The following DENND5A variants were observed in gnomAD, a reference collection of about 807,000 sequenced individuals.
DENND5A encodes the protein DENN domain containing 5A, also known as DENN domain-containing protein 5A.
A neutral mutation model predicts 140.3 loss-of-function variants in DENND5A; 64 were observed. That is an observed-to-expected ratio of 0.46 (90% CI 0.37 to 0.56). The LOEUF (loss-of-function observed/expected upper bound fraction) is 0.56, where lower values mean the gene tolerates loss of function less well. DENND5A is among the 20% of genes least tolerant of loss of function. DENND5A has a pLI of 0.00. For missense variants in DENND5A, 1,292 were observed against 1,593.8 expected (o/e 0.81, Z 3.22); for synonymous variants, 605 against 607.7 (o/e 1.00, Z 0.07).
rs1554916546 is a variant in DENND5A, at chr11:9,169,903, G to A, written c.2104C>T (p.Gln702Ter). The change falls in exon 10 of 23, where the codon CAG (glutamine) becomes TAG (stop). Residue 702 changes from glutamine (Q) to a stop codon, truncating the protein, a stop_gained. Transcript: ENST00000328194. LOFTEE classifies it high-confidence loss of function. ...APAQWRRKDR[Q>*]KQHTEHLRLD... is the part of the protein sequence containing the mutation. ...CGCAGGTGTTCTGTGTGCTGCTTCTGCCGATCTTTCCGCCTCCACTGGGCA... is the reference window on the plus strand; with the variant it reads ...CGCAGGTGTTCTGTGTGCTGCTTCTACCGATCTTTCCGCCTCCACTGGGCA... 6.2e-7 allele frequency: 1 copy of A among 1,613,840 alleles called. No homozygotes were observed. The highest frequency in any genetic ancestry group is 8.5e-7 in the Non-Finnish European group (1 of 1,179,762).
At chr11:9,178,428 G>T (rs1384845897) in intron 7 of DENND5A, 62 bp from the exon 8 acceptor site, 23 of 993,218 alleles carry the variant, frequency 2.3e-5, no homozygotes, top group Middle Eastern at 5.8e-4. Context: ...TGTGCCCAAG[G>T]GATCCAGTAG....
intron 1 of DENND5A, among the ~76,000 whole-genome samples, chr11:9,240,672 C>T (rs1473245085): frequency 1.3e-5 from 2 of 150,992 alleles, no homozygotes; most frequent in Non-Finnish European, 2.9e-5. Context: ...ATGGTGCCAC[C>T]GTACTCCAGC....
chr11:9,246,563 G>A (rs1194923888), intron 1 of DENND5A, among the ~76,000 whole-genome samples: 6 of 138,788 alleles, frequency 4.3e-5, no homozygotes, highest in Non-Finnish European at 6.1e-5. Flanking sequence ...AGTAAGCAGA[G>A]ATTGCACCAC....
intron 8 of DENND5A, among the ~76,000 whole-genome samples, chr11:9,174,619 C>T (rs1848489382): frequency 6.6e-6 from 1 of 151,270 alleles, no homozygotes; most frequent in South Asian, 2.1e-4. Context: ...AGGATCCCTT[C>T]AGCCCACTAG....
At chr11:9,259,275 C>T (rs1210855062) in intron 1 of DENND5A, among the ~76,000 whole-genome samples, 1 of 150,350 alleles carries the variant, frequency 6.7e-6, no homozygotes, top group Non-Finnish European at 1.5e-5. Flanking sequence ...AAATAAACAA[C>T]AGGCCAGGCG....
chr11:9,163,453 T>C (rs16906757), intron 11 of DENND5A, among the ~76,000 whole-genome samples: 2,278 of 152,282 alleles, frequency 0.015, 52 homozygotes, highest in African/African-American at 0.051. Context: ...ACAGTCATCA[T>C]TGGCTAGGAA....
chr11:9,235,026 C>T (rs1246847338), intron 1 of DENND5A, among the ~76,000 whole-genome samples: 2 of 152,168 alleles, frequency 1.3e-5, no homozygotes, highest in African/African-American at 2.4e-5. Flanking sequence ...AAACCTGAAA[C>T]ATTGCTAGTG....
chr11:9,159,808 C>T (rs907679216), intron 12 of DENND5A, among the ~76,000 whole-genome samples: 1 of 152,208 alleles, frequency 6.6e-6, no homozygotes, highest in East Asian at 1.9e-4. Flanking sequence ...CCCATTTCTC[C>T]ACATCCTTAA....
At chr11:9,174,463 G>C (rs1848483537) in intron 8 of DENND5A, among the ~76,000 whole-genome samples, 1 of 146,128 alleles carries the variant, frequency 6.8e-6, no homozygotes, top group Non-Finnish European at 1.5e-5. Flanking sequence ...ATTAATATCA[G>C]ACAAAACAGA....
intron 16 of DENND5A, 99 bp from the exon 17 acceptor site, chr11:9,145,914 G>A: frequency 7.6e-7 from 1 of 1,309,646 alleles, no homozygotes; most frequent in East Asian, 2.3e-5. Context: ...CACAACTGTG[G>A]CTCCTGCTAT....
At chr11:9,243,160 C>G (rs1479365077) in intron 1 of DENND5A, among the ~76,000 whole-genome samples, 1 of 146,716 alleles carries the variant, frequency 6.8e-6, no homozygotes, top group Non-Finnish European at 1.5e-5. Flanking sequence ...CTTCTGGAGA[C>G]TAACTCAATG....
chr11:9,237,564 T>C (rs183082712), intron 1 of DENND5A, among the ~76,000 whole-genome samples: 4 of 152,174 alleles, frequency 2.6e-5, no homozygotes, highest in Admixed American at 2.6e-4. Context: ...GAAAGTAATT[T>C]AGCAATATCT....
At chr11:9,197,766 T>C (rs1395812323) in intron 4 of DENND5A, among the ~76,000 whole-genome samples, 1 of 152,232 alleles carries the variant, frequency 6.6e-6, no homozygotes, top group Non-Finnish European at 1.5e-5. Flanking sequence ...TATTTGTTTT[T>C]AAAAACTATT....
intron 1 of DENND5A, among the ~76,000 whole-genome samples, chr11:9,234,623 C>T (rs904949264): frequency 4.6e-5 from 7 of 152,138 alleles, no homozygotes; most frequent in African/African-American, 1.7e-4. Context: ...CTAAAGGTTA[C>T]GGGTTTACCA....
At chr11:9,187,749 C>T (rs374775807) in intron 5 of DENND5A, among the ~76,000 whole-genome samples, 32 of 152,258 alleles carry the variant, frequency 2.1e-4, no homozygotes, top group Admixed American at 1.0e-3. Flanking sequence ...ACTCAGACAA[C>T]GAAGCTCCAA....
intron 14 of DENND5A, 26 bp downstream of exon 14, chr11:9,150,654 C>T: frequency 6.4e-7 from 1 of 1,556,348 alleles, no homozygotes; most frequent in Non-Finnish European, 8.8e-7. Flanking sequence ...ATTTTAGTGG[C>T]TTATTACATG....
rs751975269 is a variant in DENND5A at position 9,150,067 on chromosome 11, C to T, written c.2735+14G>A. 2.1e-5 allele frequency: 33 copies of T among 1,602,656 alleles called. No homozygotes were observed. The highest frequency in any genetic ancestry group is 5.4e-5 in the African/African-American group (4 of 74,426). On this transcript the variant is annotated intron_variant, in intron 15 of 22. Coordinates refer to ENST00000328194, the MANE Select transcript of DENND5A (RefSeq NM_015213.4). ...CCTGGGAGCCTGCTTCTACTCCTGG[C>T]GGAGCAGCCTTACTTGGTGAGCTCA...
chr11:9,204,062 T>C lies in DENND5A; in HGVS notation c.547A>G (p.Thr183Ala), dbSNP rs756056265. The change falls in exon 4 of 23, where the codon ACT becomes GCT. Residue 183 changes from threonine (T) to alanine (A), a missense_variant. By Grantham distance (58) the Thr-to-Ala change is moderately conservative. Coordinates refer to ENST00000328194, the MANE Select transcript of DENND5A (RefSeq NM_015213.4). ...AAGCGCTGCAGTTTGGTCACAGGAG[T>C]GTCTTCACCATCCTCCATGCTGCTC... ...DQSSMEDGED[T>A]PVTKLQRFNS... is the part of the protein sequence containing the mutation. The C allele has an allele frequency of 4.3e-6, 7 of 1,613,926 alleles. No homozygotes were observed. The highest frequency in any genetic ancestry group is 5.1e-6 in the Non-Finnish European group (6 of 1,179,968).
At chr11:9,161,047 T>C (rs1847966116) in intron 11 of DENND5A, among the ~76,000 whole-genome samples, 182 bp from the exon 12 acceptor site, 1 of 152,182 alleles carries the variant, frequency 6.6e-6, no homozygotes, top group Non-Finnish European at 1.5e-5. Flanking sequence ...GTGCATGCTT[T>C]AAAAATTTAG....
Sources: gnomAD v4.1 joint callset for allele counts (sites outside exome capture counted in the v4.1 genomes callset) on GRCh38, gnomAD v4.1.1 for gene constraint, MANE v1.5 for transcripts, NCBI Gene and HGNC (gene_info 2026-07-23, HGNC 2026-07-21) for gene names.